GBP5: variants seen among roughly 807,000 people sequenced by gnomAD.
GBP5 encodes the protein guanylate binding protein 5.
Under a neutral mutation model 58.2 loss-of-function variants are expected in GBP5, and 48 were observed. The observed-to-expected ratio is 0.83, with a 90% CI of 0.65 to 1.05. The LOEUF is 1.05. GBP5 is among the 50% of genes least tolerant of loss of function. GBP5 has a pLI of 0.00. For synonymous variants in GBP5, 248 were observed against 251.8 expected (o/e 0.98, Z 0.14); for missense variants, 714 against 686.8 (o/e 1.04, Z -0.44).
intron 4 of GBP5, among the ~76,000 whole-genome samples, chr1:89,268,467 G>C (rs1468097381): frequency 1.3e-5 from 2 of 152,148 alleles, no homozygotes; most frequent in Admixed American, 6.5e-5. Flanking sequence ...GCTTGTAACA[G>C]TGATTTTATA....
At chr1:89,269,054 T>C (rs1650338132) in intron 3 of GBP5, among the ~76,000 whole-genome samples, 198 bp from the exon 4 acceptor site, 1 of 150,576 alleles carries the variant, frequency 6.6e-6, no homozygotes, top group East Asian at 1.9e-4. Context: ...TAAAAAAATA[T>C]TATGCTACTA....
intron 7 of GBP5, among the ~76,000 whole-genome samples, chr1:89,265,830 C>T (rs990248961): frequency 6.6e-6 from 1 of 151,816 alleles, no homozygotes; most frequent in Non-Finnish European, 1.5e-5. Context: ...GTCATTTGCA[C>T]ACTTTTGTTT....
rs1650270298 is a variant in GBP5 at position 89,267,492 on chromosome 1, A to G, written c.353T>C (p.Leu118Pro). The G allele has an allele frequency of 6.2e-7, 1 of 1,613,882 alleles. No individual in the cohort carries two copies. Among genetic ancestry groups the G allele is most frequent in the African/African-American group, 1.3e-5 (1 of 74,932 alleles). Residue 118 changes from leucine (L) to proline (P), a missense_variant, in exon 5 of 12, where the codon CTG becomes CCG. By Grantham distance (98) the Leu-to-Pro change is moderately conservative. Transcript: ENST00000370459. ...DNKNDIQIFA[L>P]ALLLSSTFVY... ...AAAGGTGCTGCTCAGTAAGAGTGCC[A>G]GTGCAAAGATCTGGATATCATTCTT...
Position 89,260,620 on chromosome 1 carries a change from T to C in GBP5, c.*84A>G, listed in dbSNP as rs886504889. 3 of 789,594 alleles carry C rather than the reference T, an allele frequency of 3.8e-6. No homozygotes were observed. 48.9% of individuals were successfully genotyped at this position (789,594 alleles called of 1,614,324 possible). On this transcript the variant is annotated 3_prime_UTR_variant, in exon 12 of 12. Coordinates refer to ENST00000370459, the MANE Select transcript of GBP5 (RefSeq NM_052942.5). ...ATAATTATAAAGTTTATTTAAATGT[T>C]GATTGTCCCAAGGTCTACAGTTTCT...
In GBP5 at chr1:89,268,100, G is replaced by T. The variant is rs922066524; in HGVS notation, c.319-574C>A. Among the ~76,000 whole-genome samples the T allele has an allele frequency of 7.2e-5, 11 of 152,192 alleles. 1 individual carries two copies. The highest frequency in any genetic ancestry group is 1.5e-5 in the Non-Finnish European group (1 of 68,032). On this transcript the variant is annotated intron_variant, in intron 4 of 11. Transcript: ENST00000370459. ...TCATACCAACTCATGACAGCAAATT[G>T]TGTGCATGTCTTCCCAAGTCTGAGT...
intron 8 of GBP5, 36 bp from the exon 9 acceptor site, chr1:89,263,984 G>T: frequency 8.4e-6 from 10 of 1,185,642 alleles, no homozygotes; most frequent in Non-Finnish European, 1.2e-5. Context: ...AAAGATGTTA[G>T]CAATACTTCA....
At chr1:89,265,363 CTTTTT>C (rs1447142715) in intron 7 of GBP5, among the ~76,000 whole-genome samples, 2 of 151,166 alleles carry the variant, frequency 1.3e-5, no homozygotes, top group Admixed American at 6.6e-5. Flanking sequence ...ATTCCTTTTT[CTTTTT>C]ATTTATATAT....
rs1267794896 is a variant in GBP5, at chr1:89,262,303, G to C, written c.1564C>G (p.His522Asp). 1 of 1,614,088 alleles carries C rather than the reference G, an allele frequency of 6.2e-7. No homozygotes were observed. The highest frequency in any genetic ancestry group is 1.1e-5 in the South Asian group (1 of 91,084). ...TCCATTTGTCTCACTTGTTCCTGATGGAGTCTCTCCCTCTCCTGCATCATT... is the reference window on the plus strand; with the variant it reads ...TCCATTTGTCTCACTTGTTCCTGATCGAGTCTCTCCCTCTCCTGCATCATT... ...EQMMQERERL[H>D]QEQVRQMEIA... The change falls in exon 11 of 12, where the codon CAT (histidine) becomes GAT (aspartate). Residue 522 changes from histidine to aspartate, a missense_variant. By Grantham distance (81) the His-to-Asp change is moderately conservative. Transcript: ENST00000370459.
intron 7 of GBP5, 114 bp from the exon 8 acceptor site, chr1:89,265,080 T>C: frequency 9.8e-7 from 1 of 1,017,242 alleles, no homozygotes; most frequent in South Asian, 1.6e-5. Context: ...TGTTTAGCAT[T>C]ATGGACAGTA....
chr1:89,257,163 G>A lies in GBP5; in HGVS notation c.*3541C>T, dbSNP rs1372511053. On this transcript the variant is annotated 3_prime_UTR_variant, in exon 12 of 12. Coordinates refer to ENST00000370459, the MANE Select transcript of GBP5 (RefSeq NM_052942.5). The stretch of plus-strand genomic sequence containing the variant: ...GGGTAATTTATAAAGGAAAAGAGAT[G>A]TAATGGACTTGTAGTTTCACATGGG... 6.6e-6 allele frequency among the ~76,000 whole-genome samples: 1 copy of A among 152,186 alleles called. No homozygotes were observed. Among genetic ancestry groups the A allele is most frequent in the Non-Finnish European group, 1.5e-5 (1 of 68,028 alleles).
rs1414042104 is a variant in GBP5 at position 89,264,962 on chromosome 1, T to C, written c.873A>G (p.Leu291=). 5 of 1,606,944 alleles carry C rather than the reference T, an allele frequency of 3.1e-6. No individual in the cohort carries two copies. The highest frequency in any genetic ancestry group is 3.4e-5 in the Admixed American group (2 of 59,574). The change falls in exon 8 of 12, where the codon CTA becomes CTG. Residue 291 remains leucine, a synonymous_variant. Coordinates refer to ENST00000370459, the MANE Select transcript of GBP5 (RefSeq NM_052942.5). ...PGGIMVNGSR[L]KNLVLTYVNA... The stretch of plus-strand genomic sequence containing the variant: ...TGACATAGGTCAGCACCAGGTTCTT[T>C]AGACCTTCATGGAAGAAAGAAACAT...
intron 7 of GBP5, 151 bp downstream of exon 7, chr1:89,266,195 C>A: frequency 1.5e-6 from 1 of 668,254 alleles, no homozygotes; most frequent in South Asian, 2.0e-5. Context: ...TATGTGATAC[C>A]CACTGAAACT....
At chr1:89,268,202 G>C (rs1234346046) in intron 4 of GBP5, among the ~76,000 whole-genome samples, 2 of 152,120 alleles carry the variant, frequency 1.3e-5, no homozygotes, top group South Asian at 4.1e-4. Flanking sequence ...TACAAATCAT[G>C]GTTGTTTTTG....
Position 89,262,398 on chromosome 1 carries a change from G to A in GBP5, c.1469C>T (p.Ala490Val). 6.2e-7 allele frequency: 1 copy of A among 1,613,228 alleles called. No homozygotes were observed. Among genetic ancestry groups the A allele is most frequent in the Non-Finnish European group, 8.5e-7 (1 of 1,179,702 alleles). The change falls in exon 11 of 12, where the codon GCA becomes GTA. Residue 490 changes from alanine to valine, a missense_variant. Ala to Val is a moderately conservative substitution (Grantham distance 64). Transcript: ENST00000370459. ...CTTTTCAGCTTCTGCTTTCACTTGT[G>A]CCTCTGAGGAGAAAAAGATAATCTT... ...LTETEKKKKE[A>V]QVKAEAEKAE...
Position 89,258,699 on chromosome 1 carries a change from C to G in GBP5, c.*2005G>C, listed in dbSNP as rs1466463888. ...AAAATTCAAGCTCCTATCATATTAC[C>G]TAAGTGGAAAATTCCTTATATGAGT... On this transcript the variant is annotated 3_prime_UTR_variant, in exon 12 of 12. Transcript: ENST00000370459. 6.6e-6 allele frequency among the ~76,000 whole-genome samples: 1 copy of G among 151,872 alleles called. No homozygotes were observed. The highest frequency in any genetic ancestry group is 6.6e-5 in the Admixed American group (1 of 15,252).
Position 89,262,364 on chromosome 1 carries a change from C to G in GBP5, c.1503G>C (p.Ala501=). 3 of 1,614,032 alleles carry G rather than the reference C, an allele frequency of 1.9e-6. No individual in the cohort carries two copies. Among genetic ancestry groups the G allele is most frequent in the Non-Finnish European group, 2.5e-6 (3 of 1,180,002 alleles). The part of the protein sequence containing the change: ...QVKAEAEKAE[A]QRLAAIQRQN... ...GCCTTTGAATCGCCGCCAACCTTTG[C>G]GCTTCAGCCTTTTCAGCTTCTGCTT... Residue 501 remains alanine (A), a synonymous_variant, in exon 11 of 12, where the codon GCG becomes GCC. Transcript: ENST00000370459.
chr1:89,269,599 C>T (rs368822177), intron 2 of GBP5, 25 bp from the exon 3 acceptor site: 47 of 1,473,260 alleles, frequency 3.2e-5, no homozygotes, highest in Non-Finnish European at 4.1e-5. Context: ...ATGGGATAGG[C>T]TGGAATTTCT....
chr1:89,262,196 A>C, intron 11 of GBP5, 24 bp downstream of exon 11: 8 of 1,608,030 alleles, frequency 5.0e-6, no homozygotes, highest in Non-Finnish European at 6.8e-6. Flanking sequence ...CAGGCAGGGG[A>C]GAGATGAAAC....
chr1:89,269,029 T>C (rs917980008), intron 3 of GBP5, among the ~76,000 whole-genome samples, 173 bp from the exon 4 acceptor site: 6 of 152,096 alleles, frequency 3.9e-5, no homozygotes, highest in Admixed American at 2.6e-4. Context: ...ATACCATAGG[T>C]TGGAACTTTG....
Sources: allele counts gnomAD v4.1 joint callset (sites outside exome capture counted in the v4.1 genomes callset), GRCh38; gene constraint gnomAD v4.1.1; transcripts MANE v1.5; gene names NCBI Gene and HGNC (gene_info 2026-07-23, HGNC 2026-07-21).